The following EVI5L variants were observed in gnomAD, a reference collection of about 807,000 sequenced individuals.
EVI5L encodes ecotropic viral integration site 5 like, also known as EVI5-like protein.
Under a neutral mutation model 106.1 loss-of-function variants are expected in EVI5L, and 30 were observed. The ratio of observed to expected loss-of-function variants is 0.28; its 90% CI spans 0.21 to 0.38. The LOEUF (loss-of-function observed/expected upper bound fraction) is 0.38, where lower values mean the gene tolerates loss of function less well. Ranked by LOEUF, EVI5L falls within the 10% of genes least tolerant of loss-of-function variation. The pLI, the probability that EVI5L is intolerant of heterozygous loss-of-function variation, is 1.00. For synonymous variants in EVI5L, 489 were observed against 483.3 expected (o/e 1.01, Z -0.15); for missense variants, 809 against 1,098.0 (o/e 0.74, Z 3.72).
At chr19:7,855,416 A>G (rs1979473531) in intron 10 of EVI5L, among the ~76,000 whole-genome samples, 1 of 152,186 alleles carries the variant, frequency 6.6e-6, no homozygotes, top group Admixed American at 6.5e-5. Context: ...TCTAGCCAAA[A>G]TCCATCAGCA....
chr19:7,851,645 G>A, intron 7 of EVI5L, 36 bp from the exon 8 acceptor site: 1 of 1,590,978 alleles, frequency 6.3e-7, no homozygotes. Context: ...GAGCCTCCCT[G>A]CCCTCCACCT....
Position 7,847,871 on chromosome 19 carries a change from A to G in EVI5L, c.277A>G (p.Ile93Val). 1 of 1,592,314 alleles carries G rather than the reference A, an allele frequency of 6.3e-7. No individual in the cohort carries two copies. Among genetic ancestry groups the G allele is most frequent in the Non-Finnish European group, 8.6e-7 (1 of 1,169,310 alleles). ...EEDTWILWGRIANEWEEWRRR... is the reference protein window; with the variant it reads ...EEDTWILWGRVANEWEEWRRR... ...GGACACGTGGATCCTGTGGGGCCGG[A>G]TCGCCAACGAGTGGGAGGAGTGGCG... Residue 93 changes from isoleucine (I) to valine (V), a missense_variant, in exon 3 of 20, where the codon ATC becomes GTC. Ile to Val is a conservative substitution (Grantham distance 29, BLOSUM62 3). Coordinates refer to ENST00000538904, the MANE Select transcript of EVI5L (RefSeq NM_001159944.3).
intron 10 of EVI5L, 115 bp downstream of exon 10, chr19:7,853,448 G>A: frequency 7.3e-7 from 1 of 1,378,358 alleles, no homozygotes; most frequent in Non-Finnish European, 1.0e-6. Context: ...AGGCGGACCC[G>A]GCGGTCCTTG....
chr19:7,834,144 C>T (rs1440179822), intron 1 of EVI5L, among the ~76,000 whole-genome samples: 2 of 151,982 alleles, frequency 1.3e-5, no homozygotes, highest in Admixed American at 6.6e-5. Flanking sequence ...GTCAGGAGTT[C>T]GAGACCAGCC....
intron 1 of EVI5L, among the ~76,000 whole-genome samples, chr19:7,832,675 GAAAA>G: frequency 6.6e-6 from 1 of 152,134 alleles, no homozygotes; most frequent in African/African-American, 2.4e-5. Context: ...ACACTTCATT[GAAAA>G]GTGGCCATCT....
chr19:7,853,644 G>T lies in EVI5L; in HGVS notation c.1146+311G>T, dbSNP rs868830299. 1.6e-5 allele frequency: 7 copies of T among 437,062 alleles called. No homozygotes were observed. The Middle Eastern group carries it at 2.6e-3, about 165-fold the overall frequency. 27.1% of individuals were successfully genotyped at this position (437,062 alleles called of 1,614,324 possible). ...GCGGACTCTAAATGCTCTGGACAAGGATGTGCACGCGGTGGGCAAGGCTGA... is the reference window on the plus strand; with the variant it reads ...GCGGACTCTAAATGCTCTGGACAAGTATGTGCACGCGGTGGGCAAGGCTGA... On this transcript the variant is annotated intron_variant, in intron 10 of 19. Coordinates refer to ENST00000538904, the MANE Select transcript of EVI5L (RefSeq NM_001159944.3).
chr19:7,859,741 G>A (rs1979710142), intron 13 of EVI5L, among the ~76,000 whole-genome samples: 1 of 152,252 alleles, frequency 6.6e-6, no homozygotes, highest in Non-Finnish European at 1.5e-5. Flanking sequence ...TTGGGGGGAT[G>A]CAGAGATCGG....
chr19:7,851,227 T>C (rs1035458928), intron 6 of EVI5L, among the ~76,000 whole-genome samples: 1 of 152,100 alleles, frequency 6.6e-6, no homozygotes, highest in African/African-American at 2.4e-5. Context: ...TTGCCATCCC[T>C]GCCTGTCCCC....
Position 7,862,017 on chromosome 19 carries a change from A to G in EVI5L, c.1643A>G (p.Gln548Arg), listed in dbSNP as rs1007946184. The G allele has an allele frequency of 2.6e-5, 40 of 1,545,058 alleles. No individual in the cohort carries two copies. The highest frequency in any genetic ancestry group is 3.4e-5 in the Non-Finnish European group (39 of 1,144,636). Residue 548 changes from glutamine to arginine, a missense_variant and splice_region_variant, in exon 15 of 20, where the codon CAG becomes CGG. This residue lies in a region of EVI5L where 452 missense variants were observed against 509.9 expected (regional missense o/e 0.89). Transcript: ENST00000538904. ...CTGCAGGAGCTCTCGGACACCTGGC[A>G]GGTGAGGGCCGGGTGGGCGCCGGCG... ...LQLQELSDTW[Q>R]AHLARGGRWK...
At position 7,849,077 on chromosome 19, in the gene EVI5L, T is replaced by C. The variant is rs1386410608; in HGVS notation, c.484T>C (p.Tyr162His). Residue 162 changes from tyrosine (Y) to histidine (H), a missense_variant, in exon 4 of 20, where the codon TAC becomes CAC. Around this residue, in one of 2 missense-constraint regions of EVI5L, gnomAD observed 357 missense variants for 588.1 expected, o/e 0.61. Coordinates refer to ENST00000538904, the MANE Select transcript of EVI5L (RefSeq NM_001159944.3). ...GATCCGCAGGGACATCGCCCGCACC[T>C]ACCCGGAACATGAGTTCTTCAAGGG... Reference protein sequence around the residue: ...KLIRRDIARTYPEHEFFKGQD... With the variant: ...KLIRRDIARTHPEHEFFKGQD... 1 of 1,611,766 alleles carries C rather than the reference T, an allele frequency of 6.2e-7. No individual in the cohort carries two copies. Among genetic ancestry groups the C allele is most frequent in the South Asian group, 1.1e-5 (1 of 90,666 alleles).
At chr19:7,860,827 G>A in intron 14 of EVI5L, 138 bp downstream of exon 14, 1 of 1,052,554 alleles carries the variant, frequency 9.5e-7, no homozygotes, top group Non-Finnish European at 1.3e-6. Flanking sequence ...CACACACACA[G>A]CACAACCCCA....
rs778765993 is a variant in EVI5L, at chr19:7,863,287, C to T, written c.2139+7C>T. On this transcript the variant is annotated splice_region_variant and intron_variant, in intron 19 of 19. Transcript: ENST00000538904. The surrounding 1 kb of genome is among the most constrained non-coding windows in gnomAD (Gnocchi z 7.7). ...CGAGGAGCTGAAGGCCGAGGTGAGC[C>T]GGCGCGGGGATGCCGGGGACAGGCC... 4 of 1,553,148 alleles carry T rather than the reference C, an allele frequency of 2.6e-6. No individual in the cohort carries two copies. The highest frequency in any genetic ancestry group is 3.5e-6 in the Non-Finnish European group (4 of 1,148,508).
rs1978972307 is a variant in EVI5L, at chr19:7,846,781, G to A, written c.137+102G>A. The A allele has an allele frequency of 2.1e-6, 3 of 1,442,750 alleles. No homozygotes were observed. The East Asian group carries it at 7.2e-5, about 35-fold the overall frequency. 89.4% of individuals were successfully genotyped at this position (1,442,750 alleles called of 1,614,324 possible). ...ACATTCAGAGCCAGGCCCAGTGTGT[G>A]CAATGTGACAGCCACCTCCAGATGC... On this transcript the variant is annotated intron_variant, in intron 2 of 19. Coordinates refer to ENST00000538904, the MANE Select transcript of EVI5L (RefSeq NM_001159944.3).
intron 1 of EVI5L, among the ~76,000 whole-genome samples, chr19:7,843,900 G>A (rs934883560): frequency 4.6e-5 from 7 of 152,030 alleles, no homozygotes; most frequent in Admixed American, 2.6e-4. Context: ...AGAAAGTTCC[G>A]GTGGGATCAG....
rs1239985511 is a variant in EVI5L, at chr19:7,863,710, C to A, written c.*8C>A. On this transcript the variant is annotated 3_prime_UTR_variant, in exon 20 of 20. Transcript: ENST00000538904. The surrounding 1 kb of genome is among the most constrained non-coding windows in gnomAD (Gnocchi z 7.7). The stretch of plus-strand genomic sequence containing the variant: ...CAGGGTCTGGACAACTGAGGCCATG[C>A]CCAGCGCGCCCGGAGTCAGGAGGCC... The A allele has an allele frequency of 2.7e-6, 4 of 1,455,558 alleles. No individual in the cohort carries two copies. Among genetic ancestry groups the A allele is most frequent in the Non-Finnish European group, 3.6e-6 (4 of 1,108,004 alleles). 90.2% of individuals were successfully genotyped at this position (1,455,558 alleles called of 1,614,324 possible). A position where few individuals can be genotyped will look rare whatever the true frequency, so the allele number is the denominator to read the frequency against.
Position 7,835,175 on chromosome 19 carries a change from G to C in EVI5L, c.-48+4794G>C, listed in dbSNP as rs1211169670. The stretch of plus-strand genomic sequence containing the variant: ...AAAATAAAAATAAACAAAAAAAATT[G>C]AGGCAAAATACATCATACCCAAGGT... On this transcript the variant is annotated intron_variant, in intron 1 of 19. Coordinates refer to ENST00000538904, the MANE Select transcript of EVI5L (RefSeq NM_001159944.3). This position sits in a 1 kb window ranked among gnomAD's most constrained non-coding sequence, Gnocchi z 4.1. 6.6e-6 allele frequency among the ~76,000 whole-genome samples: 1 copy of C among 151,344 alleles called. No homozygotes were observed. The highest frequency in any genetic ancestry group is 2.4e-5 in the African/African-American group (1 of 41,152).
rs1979651530 is a variant in EVI5L, at chr19:7,858,589, C to T, written c.1374+258C>T. ...GACTTCCCAACCCCCAGCCTCAGCA[C>T]GGAGGCCTCTGAAGACCGGGCTGTC... On this transcript the variant is annotated intron_variant, in intron 13 of 19. Coordinates refer to ENST00000538904, the MANE Select transcript of EVI5L (RefSeq NM_001159944.3). This position sits in a 1 kb window ranked among gnomAD's most constrained non-coding sequence, Gnocchi z 5.7. The T allele has an allele frequency of 5.6e-6, 3 of 531,620 alleles. No homozygotes were observed. Among genetic ancestry groups the T allele is most frequent in the East Asian group, 3.4e-5 (1 of 29,436 alleles). 32.9% of individuals were successfully genotyped at this position (531,620 alleles called of 1,614,324 possible). A position where few individuals can be genotyped will look rare whatever the true frequency, so the allele number is the denominator to read the frequency against.
At position 7,862,287 on chromosome 19, in the gene EVI5L, G is replaced by A. The variant is rs922175426; in HGVS notation, c.1800+10G>A. 2 of 1,583,342 alleles carry A rather than the reference G, an allele frequency of 1.3e-6. No individual in the cohort carries two copies. Among genetic ancestry groups the A allele is most frequent in the Non-Finnish European group, 8.6e-7 (1 of 1,164,776 alleles). On this transcript the variant is annotated intron_variant, in intron 16 of 19. Coordinates refer to ENST00000538904, the MANE Select transcript of EVI5L (RefSeq NM_001159944.3). ...GGAACTTGAGACGCAGGTGGACTCG[G>A]GGGGCCTGCTCGTTGGGGAAGGGGC...
Position 7,864,938 on chromosome 19 carries a change from G to A in EVI5L, c.*1236G>A, listed in dbSNP as rs1325256100. 3.3e-5 allele frequency: 5 copies of A among 152,504 alleles called. No homozygotes were observed. Among genetic ancestry groups the A allele is most frequent in the Non-Finnish European group, 5.9e-5 (4 of 68,074 alleles). The allele number at this position is 152,504 out of a possible 1,614,324, so 9.4% of individuals were successfully genotyped here. On this transcript the variant is annotated 3_prime_UTR_variant, in exon 20 of 20. Coordinates refer to ENST00000538904, the MANE Select transcript of EVI5L (RefSeq NM_001159944.3). This position sits in a 1 kb window ranked among gnomAD's most constrained non-coding sequence, Gnocchi z 4.5. ...ACACTGCCTGTTCACATGTCGCCCA[G>A]GCGGGAAAAATGGAAAATAAAGTGT... is the stretch of plus-strand genomic sequence containing the variant.
Sources: allele counts gnomAD v4.1 joint callset (sites outside exome capture counted in the v4.1 genomes callset), GRCh38; gene constraint gnomAD v4.1.1; regional missense constraint gnomAD v4.1.1; non-coding constraint Gnocchi (gnomAD v3.1); transcripts MANE v1.5; gene names NCBI Gene and HGNC (gene_info 2026-07-23, HGNC 2026-07-21).